SPMAP2: variants seen among roughly 807,000 people sequenced by gnomAD.
SPMAP2 encodes Theg homolog.
the SPMAP2 span, chr19:374,449 GA>G: frequency 1.2e-6 from 2 of 1,613,694 alleles, no homozygotes; most frequent in African/African-American, 2.7e-5. Flanking sequence ...GTTGAAGTTG[GA>G]GCTGCTTTCC....
the SPMAP2 span, among the ~76,000 whole-genome samples, chr19:373,707 A>G: frequency 6.6e-6 from 1 of 152,090 alleles, no homozygotes; most frequent in Non-Finnish European, 1.5e-5. Flanking sequence ...TATTGTGAGC[A>G]AGGCTGATGT....
the SPMAP2 span, chr19:362,569 A>T: frequency 3.5e-6 from 2 of 566,654 alleles, no homozygotes; most frequent in Non-Finnish European, 3.0e-6. Flanking sequence ...GGAGTTAGAG[A>T]TCAGCCTGGC....
the SPMAP2 span, among the ~76,000 whole-genome samples, chr19:371,859 G>A: frequency 6.6e-6 from 1 of 152,224 alleles, no homozygotes; most frequent in East Asian, 1.9e-4. Flanking sequence ...CTAAGGCAAG[G>A]TCTCCACATT....
chr19:373,844 C>T, the SPMAP2 span: 1 of 1,171,300 alleles, frequency 8.5e-7, no homozygotes, highest in South Asian at 1.3e-5. Flanking sequence ...GATCCTCCTC[C>T]CTGGAGAGAG....
chr19:364,291 C>G, the SPMAP2 span, among the ~76,000 whole-genome samples: 89 of 140,098 alleles, frequency 6.4e-4, no homozygotes, highest in Non-Finnish European at 2.3e-4. Context: ...GAGCTGAGAT[C>G]GCGCCACTGC....
chr19:373,647 A>C, the SPMAP2 span: 5 of 878,080 alleles, frequency 5.7e-6, no homozygotes, highest in East Asian at 1.4e-4. Flanking sequence ...TTGCTGGGAG[A>C]GGGGGTAGGC....
At chr19:364,809 A>C in the SPMAP2 span, among the ~76,000 whole-genome samples, 3 of 150,218 alleles carry the variant, frequency 2.0e-5, no homozygotes, top group Non-Finnish European at 3.0e-5. Flanking sequence ...GAGCTGCAGC[A>C]GACTGCTTGG....
At chr19:374,678 T>A in the SPMAP2 span, 1 of 529,906 alleles carries the variant, frequency 1.9e-6, no homozygotes, top group South Asian at 2.4e-5. Flanking sequence ...TCCTCCTCTG[T>A]GAATTGGAGG....
At chr19:371,356 G>A in the SPMAP2 span, 87 of 1,260,748 alleles carry the variant, frequency 6.9e-5, no homozygotes, top group Non-Finnish European at 8.4e-5. Flanking sequence ...CCAGCAGCTC[G>A]GCCGGGGGTG....
the SPMAP2 span, chr19:373,514 G>A: frequency 3.7e-6 from 6 of 1,613,446 alleles, no homozygotes; most frequent in Middle Eastern, 1.7e-4. Flanking sequence ...GAACCGCTCG[G>A]TCCAGTACAC....
the SPMAP2 span, among the ~76,000 whole-genome samples, chr19:373,267 T>C: frequency 2.0e-5 from 3 of 152,188 alleles, no homozygotes; most frequent in Admixed American, 6.5e-5. Flanking sequence ...GATTTGGCCC[T>C]ATCCTAGAGA....
the SPMAP2 span, chr19:373,649 G>A: frequency 1.5e-5 from 14 of 960,502 alleles, no homozygotes; most frequent in Non-Finnish European, 2.3e-5. Flanking sequence ...GCTGGGAGAG[G>A]GGGTAGGCCA....
chr19:362,101 G>T, the SPMAP2 span: 5 of 808,600 alleles, frequency 6.2e-6, no homozygotes, highest in South Asian at 3.4e-5. Flanking sequence ...TCCTTCTTTT[G>T]GCCTTCTAGC....
chr19:362,035 A>G, the SPMAP2 span: 5 of 463,978 alleles, frequency 1.1e-5, no homozygotes, highest in African/African-American at 2.0e-5. Context: ...CTCGGAAAAT[A>G]AACAGCTGGA....
chr19:375,368 C>T, the SPMAP2 span, among the ~76,000 whole-genome samples: 396 of 152,302 alleles, frequency 2.6e-3, 4 homozygotes, highest in African/African-American at 9.2e-3. Context: ...ACTCTGGGCA[C>T]CTGAACTCAG....
the SPMAP2 span, among the ~76,000 whole-genome samples, chr19:365,334 G>A: frequency 6.6e-6 from 1 of 152,226 alleles, no homozygotes; most frequent in Non-Finnish European, 1.5e-5. Flanking sequence ...GTGACCCTAA[G>A]GGGGCTGGAA....
At chr19:367,770 A>G in the SPMAP2 span, among the ~76,000 whole-genome samples, 5 of 152,128 alleles carry the variant, frequency 3.3e-5, no homozygotes, top group Non-Finnish European at 7.4e-5. Context: ...TAGTTACCAC[A>G]CACACACCCC....
the SPMAP2 span, among the ~76,000 whole-genome samples, chr19:373,143 G>A: frequency 2.0e-5 from 3 of 152,164 alleles, no homozygotes; most frequent in East Asian, 1.9e-4. Flanking sequence ...GGGAACTCTC[G>A]AAGTGTCTCA....
At chr19:375,980 C>T in the SPMAP2 span, 2 of 1,384,984 alleles carry the variant, frequency 1.4e-6, no homozygotes, top group Non-Finnish European at 1.9e-6. Context: ...TACACCGGTC[C>T]CTTCCCAGCC....
Sources: gnomAD v4.1 joint callset for allele counts (sites outside exome capture counted in the v4.1 genomes callset) on GRCh38, gnomAD v4.1.1 for gene constraint, MANE v1.5 for transcripts, NCBI Gene and HGNC (gene_info 2026-07-23, HGNC 2026-07-21) for gene names.